Variants in HIGD2B observed in about 807,000 individuals in gnomAD.
HIGD2B encodes the protein HIG1 domain family member 2B.
For synonymous variants in HIGD2B, 45 were observed against 28.1 expected, an observed-to-expected ratio of 1.60 and a Z score of -1.90; for missense variants, 106 against 67.0, an observed-to-expected ratio of 1.58 and a Z score of -2.03.
At chr15:72,683,112 T>C (rs1335157189) in intron 1 of HIGD2B, among the ~76,000 whole-genome samples, 1 of 152,222 alleles carries the variant, frequency 6.6e-6, no homozygotes, top group Non-Finnish European at 1.5e-5. Context: ...TTCTAGAATG[T>C]TTTTTGATCT....
intron 1 of HIGD2B, among the ~76,000 whole-genome samples, chr15:72,680,951 G>T (rs1315483265): frequency 2.0e-5 from 3 of 152,132 alleles, no homozygotes; most frequent in African/African-American, 7.2e-5. Context: ...TGTACAACTT[G>T]AGTCATACTG....
At chr15:72,684,447 TTC>T (rs1413460624) in intron 1 of HIGD2B, among the ~76,000 whole-genome samples, 4 of 151,988 alleles carry the variant, frequency 2.6e-5, no homozygotes, top group African/African-American at 9.7e-5. Flanking sequence ...AGCCTAGGAG[TTC>T]AAGTCCAGTC....
chr15:72,683,267 T>C (rs984127157), intron 1 of HIGD2B, among the ~76,000 whole-genome samples: 2 of 152,148 alleles, frequency 1.3e-5, no homozygotes, highest in African/African-American at 4.8e-5. Flanking sequence ...TGTAGAGGAG[T>C]GTTGGGGATT....
chr15:72,682,051 G>A (rs965603369), intron 1 of HIGD2B, among the ~76,000 whole-genome samples: 1 of 152,130 alleles, frequency 6.6e-6, no homozygotes, highest in Non-Finnish European at 1.5e-5. Flanking sequence ...TTTCTTTCCA[G>A]TTTTAAAGTA....
Position 72,676,058 on chromosome 15 carries a change from G to C in HIGD2B, c.317C>G (p.Pro106Arg). ...AGAGTTTTCAAGACCCTGGGCTCAG[G>C]GTGGAGACTTCATAGCGGTGGCAGC... ...GLAATAMKSP[P>R] The change falls in exon 3 of 3, where the codon CCC (proline) becomes CGC (arginine). Residue 106 changes from proline to arginine, a missense_variant. Pro to Arg is a moderately radical substitution (Grantham distance 103). Coordinates refer to ENST00000311755, the MANE Select transcript of HIGD2B (RefSeq NM_001350932.3). 1 of 751,928 alleles carries C rather than the reference G, an allele frequency of 1.3e-6. No homozygotes were observed. The highest frequency in any genetic ancestry group is 2.4e-6 in the Non-Finnish European group (1 of 409,966). The allele number at this position is 751,928 out of a possible 1,614,324, so 46.6% of individuals were successfully genotyped here. A position where few individuals can be genotyped will look rare whatever the true frequency, so the allele number is the denominator to read the frequency against.
intron 2 of HIGD2B, among the ~76,000 whole-genome samples, chr15:72,677,746 G>A (rs1459501127): frequency 6.7e-6 from 1 of 149,948 alleles, no homozygotes; most frequent in Non-Finnish European, 1.5e-5. Context: ...CTGGGCAACA[G>A]GGCAAGACTG....
In HIGD2B at chr15:72,676,120, G is replaced by A; in HGVS notation, c.255C>T (p.Ala85=). ...SRLMMHTQIA[A]QGFTIAAILL... ...AGATGGCTGCAATGGTGAAGCCCTG[G>A]GCGGCGATCTGGGTGTGCATCATAA... The change falls in exon 3 of 3, where the codon GCC becomes GCT. Residue 85 remains alanine, a synonymous_variant. Coordinates refer to ENST00000311755, the MANE Select transcript of HIGD2B (RefSeq NM_001350932.3). The A allele has an allele frequency of 1.3e-6, 1 of 765,636 alleles. No individual in the cohort carries two copies. Among genetic ancestry groups the A allele is most frequent in the Non-Finnish European group, 2.4e-6 (1 of 416,800 alleles). The allele number at this position is 765,636 out of a possible 1,614,324, so 47.4% of individuals were successfully genotyped here.
At chr15:72,680,844 G>A (rs1427574534) in intron 1 of HIGD2B, among the ~76,000 whole-genome samples, 2 of 151,950 alleles carry the variant, frequency 1.3e-5, no homozygotes, top group African/African-American at 2.4e-5. Flanking sequence ...CAGTGAGATC[G>A]TGCACTCCAG....
intron 2 of HIGD2B, among the ~76,000 whole-genome samples, chr15:72,679,759 A>T (rs533617082): frequency 7.2e-5 from 11 of 152,006 alleles, no homozygotes; most frequent in African/African-American, 2.7e-4. Context: ...GGAAAATATA[A>T]AAAAAAATGT....
chr15:72,678,229 C>G (rs567007920), intron 2 of HIGD2B, among the ~76,000 whole-genome samples: 2 of 152,316 alleles, frequency 1.3e-5, no homozygotes, highest in Middle Eastern at 3.4e-3. Context: ...ACTTGTGTCA[C>G]TCACAGAGGG....
chr15:72,684,279 G>C (rs1006256186), intron 1 of HIGD2B, among the ~76,000 whole-genome samples: 5 of 152,126 alleles, frequency 3.3e-5, no homozygotes, highest in African/African-American at 1.2e-4. Flanking sequence ...GGTTACTTCG[G>C]GTATGCCTTA....
intron 2 of HIGD2B, among the ~76,000 whole-genome samples, 165 bp downstream of exon 2, chr15:72,679,850 A>C (rs1313770878): frequency 6.6e-6 from 1 of 152,184 alleles, no homozygotes; most frequent in Non-Finnish European, 1.5e-5. Context: ...CCAAAGCAGA[A>C]AGTACCTCTT....
In HIGD2B at chr15:72,675,908, T is replaced by C. The variant is rs1189579492; in HGVS notation, c.*146A>G. Reference sequence around the variant, plus strand: ...GAATCTGGGATTTTTGAAAAAATCTTTCAGTTATGGTTACAGGAAGGGTCA... The same window carrying C: ...GAATCTGGGATTTTTGAAAAAATCTCTCAGTTATGGTTACAGGAAGGGTCA... On this transcript the variant is annotated 3_prime_UTR_variant, in exon 3 of 3. Transcript: ENST00000311755. 5.2e-6 allele frequency: 3 copies of C among 578,516 alleles called. No individual in the cohort carries two copies. Among genetic ancestry groups the C allele is most frequent in the Non-Finnish European group, 9.2e-6 (3 of 325,182 alleles). The allele number at this position is 578,516 out of a possible 1,614,324, so 35.8% of individuals were successfully genotyped here. A position where few individuals can be genotyped will look rare whatever the true frequency, so the allele number is the denominator to read the frequency against.
At chr15:72,681,420 CA>C (rs1277665180) in intron 1 of HIGD2B, among the ~76,000 whole-genome samples, 2 of 152,212 alleles carry the variant, frequency 1.3e-5, no homozygotes, top group East Asian at 3.9e-4. Flanking sequence ...GACAACCGCA[CA>C]GCTAAACATA....
intron 2 of HIGD2B, among the ~76,000 whole-genome samples, chr15:72,677,798 A>G (rs1240394766): frequency 6.6e-6 from 1 of 152,038 alleles, no homozygotes; most frequent in Non-Finnish European, 1.5e-5. Context: ...TAAATAGAAC[A>G]TATAAAAGTA....
chr15:72,676,363 G>C lies in HIGD2B; in HGVS notation c.12C>G (p.Leu4=), dbSNP rs556995380. Residue 4 remains leucine, a synonymous_variant, in exon 3 of 3, where the codon CTC becomes CTG. Transcript: ENST00000311755. MAT[L]GFVTPEAPFE... is the part of the protein sequence containing the mutation. ...AGGGGGCCTCCGGAGTCACAAAGCC[G>C]AGAGTCGCCATGCCTAGGCCACAGC... The C allele has an allele frequency of 7.9e-6, 6 of 756,386 alleles. No individual in the cohort carries two copies. The highest frequency in any genetic ancestry group is 2.3e-4 in the Middle Eastern group (1 of 4,420). 46.9% of individuals were successfully genotyped at this position (756,386 alleles called of 1,614,324 possible).
chr15:72,676,258 G>T lies in HIGD2B; in HGVS notation c.117C>A (p.Phe39Leu). The T allele has an allele frequency of 1.3e-6, 1 of 767,086 alleles. No individual in the cohort carries two copies. Among genetic ancestry groups the T allele is most frequent in the Non-Finnish European group, 2.4e-6 (1 of 417,786 alleles). 47.5% of individuals were successfully genotyped at this position (767,086 alleles called of 1,614,324 possible). A position where few individuals can be genotyped will look rare whatever the true frequency, so the allele number is the denominator to read the frequency against. ...CCGGATTCTCGCGGGTCTTGCGAAG[G>T]AACTTTTCCTTGAAACCCTCTGGAT... is the stretch of plus-strand genomic sequence containing the variant. The part of the protein sequence containing the change: ...YSNPEGFKEK[F>L]LRKTRENPVV... Residue 39 changes from phenylalanine (F) to leucine (L), a missense_variant, in exon 3 of 3, where the codon TTC (phenylalanine) becomes TTA (leucine). Coordinates refer to ENST00000311755, the MANE Select transcript of HIGD2B (RefSeq NM_001350932.3).
intron 1 of HIGD2B, among the ~76,000 whole-genome samples, chr15:72,685,084 G>C (rs1217493004): frequency 6.6e-6 from 1 of 152,186 alleles, no homozygotes; most frequent in Non-Finnish European, 1.5e-5. Flanking sequence ...TTGTTATAAA[G>C]ATTAAAAGAG....
intron 1 of HIGD2B, chr15:72,682,366 T>C (rs1027146920): frequency 8.9e-6 from 2 of 224,676 alleles, no homozygotes; most frequent in Non-Finnish European, 1.9e-5. Context: ...CTCTTCCTTT[T>C]CTTCCACACC....
Sources: allele counts gnomAD v4.1 joint callset (sites outside exome capture counted in the v4.1 genomes callset), GRCh38; gene constraint gnomAD v4.1.1; transcripts MANE v1.5; gene names NCBI Gene and HGNC (gene_info 2026-07-23, HGNC 2026-07-21).